NUSAP1: variants seen among roughly 807,000 people sequenced by gnomAD.
The protein encoded by NUSAP1 is nucleolar and spindle associated protein 1, also known as nucleolar and spindle-associated protein 1.
A neutral mutation model predicts 52.8 loss-of-function variants in NUSAP1; 32 were observed. The ratio of observed to expected loss-of-function variants is 0.61; its 90% CI spans 0.46 to 0.81. The LOEUF (loss-of-function observed/expected upper bound fraction) is 0.81, where lower values mean the gene tolerates loss of function less well. NUSAP1 is among the 40% of genes least tolerant of loss of function. The pLI, the probability that NUSAP1 is intolerant of heterozygous loss-of-function variation, is 0.00. For synonymous variants in NUSAP1, 195 were observed against 183.1 expected (o/e 1.06, Z -0.52); for missense variants, 499 against 522.3 (o/e 0.96, Z 0.43).
Position 41,358,384 on chromosome 15 carries a change from T to A in NUSAP1, c.660+126T>A, listed in dbSNP as rs188992837. On this transcript the variant is annotated intron_variant, in intron 6 of 10. Transcript: ENST00000559596. ...AGTAGATTTGTTTGAATTTAATATA[T>A]CTTTATCTAAAACTTGCTTTCCCCT... is the stretch of plus-strand genomic sequence containing the variant. 9.9e-4 allele frequency: 577 copies of A among 581,608 alleles called. 3 individuals carry two copies. Among genetic ancestry groups the A allele is most frequent in the Middle Eastern group, 6.8e-3 (21 of 3,068 alleles). The allele number at this position is 581,608 out of a possible 1,614,324, so 36.0% of individuals were successfully genotyped here. A position where few individuals can be genotyped will look rare whatever the true frequency, so the allele number is the denominator to read the frequency against.
chr15:41,336,663 T>TTTTTGTTTGTTTGTTTG (rs2048159078), intron 1 of NUSAP1, among the ~76,000 whole-genome samples: 4 of 147,996 alleles, frequency 2.7e-5, no homozygotes, highest in Non-Finnish European at 5.9e-5. Flanking sequence ...TTTTTTTTTT[T>TTTTTGTTTGTTTGTTTG]TTTTTTGAGA....
At chr15:41,353,431 C>A (rs913758750) in intron 4 of NUSAP1, among the ~76,000 whole-genome samples, 1 of 152,142 alleles carries the variant, frequency 6.6e-6, no homozygotes, top group African/African-American at 2.4e-5. Flanking sequence ...CGTGAGCCAC[C>A]AAACCCTGCC....
chr15:41,349,272 C>T, intron 3 of NUSAP1, 31 bp downstream of exon 3: 2 of 1,590,032 alleles, frequency 1.3e-6, no homozygotes, highest in South Asian at 2.2e-5. Context: ...TGAAAATAAA[C>T]CACCTATGCC....
chr15:41,345,638 T>C, intron 2 of NUSAP1: 2 of 278,486 alleles, frequency 7.2e-6, no homozygotes, highest in South Asian at 5.7e-5. Flanking sequence ...TGTGTATTTT[T>C]AGTAGAGACG....
At chr15:41,342,248 C>A in intron 1 of NUSAP1, 138 bp from the exon 2 acceptor site, 1 of 631,570 alleles carries the variant, frequency 1.6e-6, no homozygotes, top group South Asian at 1.9e-5. Flanking sequence ...GAGCAGAGAC[C>A]CATTCTTTCT....
In NUSAP1 at chr15:41,359,636, CT is replaced by C. The variant is rs1282401821; in HGVS notation, c.660+1390del. ...ACAACCATTTTTTTTCTTTTCTTTT[CT>C]TTTTTTTTTTTGAGACAGAGTTTCG... On this transcript the variant is annotated intron_variant, in intron 6 of 10. Transcript: ENST00000559596. Among the ~76,000 whole-genome samples, 126 of 141,940 alleles carry C rather than the reference CT, an allele frequency of 8.9e-4. 1 individual carries two copies. Among genetic ancestry groups the C allele is most frequent in the Admixed American group, 1.5e-3 (21 of 14,090 alleles). The allele number at this position is 141,940 out of a possible 152,430, so 93.1% of individuals were successfully genotyped here. A position where few individuals can be genotyped will look rare whatever the true frequency, so the allele number is the denominator to read the frequency against.
At chr15:41,368,583 GATCA>G (rs2049515646) in intron 7 of NUSAP1, among the ~76,000 whole-genome samples, 2 of 151,938 alleles carry the variant, frequency 1.3e-5, no homozygotes, top group South Asian at 4.1e-4. Flanking sequence ...TTTCCCCATA[GATCA>G]AAGTCTTCAG....
In NUSAP1 at chr15:41,356,064, A is replaced by G. The variant is rs1414880697; in HGVS notation, c.474A>G (p.Ser158=). ...GTAACAGAGATTCAAAGGTACCTTC[A>G]GAAGGAAAGAAATCTCTCTACACAG... ...SSGNRDSKVP[S]EGKKSLYTDE... is the part of the protein sequence containing the mutation. Residue 158 remains serine, a synonymous_variant, in exon 5 of 11, where the codon TCA becomes TCG. Coordinates refer to ENST00000559596, the MANE Select transcript of NUSAP1 (RefSeq NM_016359.5). The G allele has an allele frequency of 6.2e-7, 1 of 1,605,716 alleles. No homozygotes were observed. The highest frequency in any genetic ancestry group is 2.2e-5 in the East Asian group (1 of 44,824).
intron 9 of NUSAP1, among the ~76,000 whole-genome samples, chr15:41,376,647 C>T (rs2049949995): frequency 1.3e-5 from 2 of 151,596 alleles, no homozygotes; most frequent in African/African-American, 4.9e-5. Flanking sequence ...GCCGAGACCA[C>T]ACCACTGCAC....
intron 1 of NUSAP1, 93 bp downstream of exon 1, chr15:41,333,143 G>A (rs2047981007): frequency 1.1e-6 from 1 of 927,930 alleles, no homozygotes; most frequent in South Asian, 1.4e-5. Flanking sequence ...GGGAAGCCCG[G>A]GACTGAGGCA....
At chr15:41,365,724 CTTTTT>C (rs757052862) in intron 7 of NUSAP1, 135 bp downstream of exon 7, 2 of 418,162 alleles carry the variant, frequency 4.8e-6, no homozygotes, top group Non-Finnish European at 3.8e-6. Flanking sequence ...TTTTCTTTTT[CTTTTT>C]TTTTTTTTTG....
rs767297634 is a variant in NUSAP1 at position 41,375,737 on chromosome 15, T to A, written c.1032T>A (p.Thr344=). 1 of 1,613,640 alleles carries A rather than the reference T, an allele frequency of 6.2e-7. No homozygotes were observed. The highest frequency in any genetic ancestry group is 8.5e-7 in the Non-Finnish European group (1 of 1,179,560). The part of the protein sequence containing the change: ...AAVITPFKLT[T]EATQTPVSNK... Reference sequence around the variant, plus strand: ...TTATTACCCCATTCAAGTTGACAACTGAGGCAACGCAGACTCCAGTCTCCA... The same window carrying A: ...TTATTACCCCATTCAAGTTGACAACAGAGGCAACGCAGACTCCAGTCTCCA... Residue 344 remains threonine (T), a synonymous_variant, in exon 9 of 11, where the codon ACT becomes ACA. Transcript: ENST00000559596.
At chr15:41,371,968 A>T (rs1252940627) in intron 8 of NUSAP1, among the ~76,000 whole-genome samples, 3 of 151,968 alleles carry the variant, frequency 2.0e-5, no homozygotes, top group Non-Finnish European at 4.4e-5. Flanking sequence ...CAGTTTCACC[A>T]TGTTGGTCAG....
chr15:41,375,128 G>C (rs115430005), intron 8 of NUSAP1, among the ~76,000 whole-genome samples: 1,925 of 149,622 alleles, frequency 0.013, 41 homozygotes, highest in African/African-American at 0.046. Flanking sequence ...CCCTGCCTCA[G>C]CCTACTCGGC....
rs746766695 is a variant in NUSAP1 at position 41,351,148 on chromosome 15, G to A, written c.448+19G>A. The A allele has an allele frequency of 1.7e-4, 271 of 1,600,822 alleles. 1 individual carries two copies. Among genetic ancestry groups the A allele is most frequent in the Non-Finnish European group, 4.7e-5 (55 of 1,176,174 alleles). On this transcript the variant is annotated intron_variant, in intron 4 of 10. Coordinates refer to ENST00000559596, the MANE Select transcript of NUSAP1 (RefSeq NM_016359.5). ...TCCTCAGGTAAACGTGGAATAAATG[G>A]TATGTCAAGTAACTTTAAAAACCAA...
intron 5 of NUSAP1, among the ~76,000 whole-genome samples, chr15:41,357,492 G>A (rs1306413855): frequency 6.6e-6 from 1 of 151,490 alleles, no homozygotes; most frequent in Non-Finnish European, 1.5e-5. Flanking sequence ...TGCCCAGGCT[G>A]GAGTGCAATG....
At chr15:41,362,788 G>T (rs990069958) in intron 6 of NUSAP1, among the ~76,000 whole-genome samples, 10 of 151,914 alleles carry the variant, frequency 6.6e-5, no homozygotes, top group Admixed American at 6.6e-4. Flanking sequence ...ATTTTTAATT[G>T]TAGTTATATT....
chr15:41,340,962 T>A (rs997018230), intron 1 of NUSAP1, among the ~76,000 whole-genome samples: 9 of 152,164 alleles, frequency 5.9e-5, no homozygotes, highest in Admixed American at 1.3e-4. Flanking sequence ...ATGAGAAGAA[T>A]AGAGCCAAGC....
At chr15:41,360,901 C>G (rs2049149309) in intron 6 of NUSAP1, among the ~76,000 whole-genome samples, 1 of 149,534 alleles carries the variant, frequency 6.7e-6, no homozygotes, top group Non-Finnish European at 1.5e-5. Flanking sequence ...TTCGACAGAT[C>G]TTGCCAGCAT....
Sources: gnomAD v4.1 joint callset for allele counts (sites outside exome capture counted in the v4.1 genomes callset) on GRCh38, gnomAD v4.1.1 for gene constraint, MANE v1.5 for transcripts, NCBI Gene and HGNC (gene_info 2026-07-23, HGNC 2026-07-21) for gene names.